Variants in TIA1 observed in about 807,000 individuals in gnomAD.
TIA1 encodes the protein cytotoxic granule associated RNA binding protein TIA1.
In TIA1, 23 loss-of-function variants were observed where a neutral mutation model predicts 65.9. That is an observed-to-expected ratio of 0.35 (90% CI 0.25 to 0.49). TIA1 has a LOEUF of 0.49. Ranked by LOEUF, TIA1 falls within the 20% of genes least tolerant of loss-of-function variation. The pLI, the probability that TIA1 is intolerant of heterozygous loss-of-function variation, is 0.98. For missense variants in TIA1, 371 were observed against 477.9 expected, an observed-to-expected ratio of 0.78 and a Z score of 2.09; for synonymous variants, 147 against 149.4, an observed-to-expected ratio of 0.98 and a Z score of 0.12.
chr2:70,231,163 A>G (rs539579800), intron 2 of TIA1, among the ~76,000 whole-genome samples: 1 of 152,046 alleles, frequency 6.6e-6, no homozygotes, highest in African/African-American at 2.4e-5. Context: ...TTAACCAGGC[A>G]TGGTGGCAGG....
chr2:70,248,732 T>C (rs1038829846), upstream of TIA1: 6 of 428,130 alleles, frequency 1.4e-5, no homozygotes, highest in Admixed American at 3.9e-5. Context: ...CCTTAATCCA[T>C]AGGTTCACTT....
At chr2:70,230,357 G>A (rs1685677336) in intron 3 of TIA1, among the ~76,000 whole-genome samples, 1 of 151,654 alleles carries the variant, frequency 6.6e-6, no homozygotes, top group Non-Finnish European at 1.5e-5. Flanking sequence ...GCTATAAAGT[G>A]TTTAATGTTT....
At chr2:70,239,929 C>A (rs910007768) in intron 1 of TIA1, among the ~76,000 whole-genome samples, 1 of 152,168 alleles carries the variant, frequency 6.6e-6, no homozygotes, top group African/African-American at 2.4e-5. Context: ...TAGAAAAGTT[C>A]TCCTTTACAG....
chr2:70,225,869 A>C (rs1573442159), intron 6 of TIA1, among the ~76,000 whole-genome samples: 1 of 152,256 alleles, frequency 6.6e-6, no homozygotes, highest in African/African-American at 2.4e-5. Context: ...TATATAAGGG[A>C]AAATACCATA....
At chr2:70,216,182 A>G in intron 10 of TIA1, 26 bp downstream of exon 10, 4 of 1,489,600 alleles carry the variant, frequency 2.7e-6, no homozygotes, top group Non-Finnish European at 3.6e-6. Flanking sequence ...ACCAAGAAAA[A>G]TGTTTTTTTA....
At chr2:70,228,442 C>T in intron 5 of TIA1, 1 of 1,284,402 alleles carries the variant, frequency 7.8e-7, no homozygotes. Context: ...TTATGTGAAT[C>T]CATGTGCAAG....
chr2:70,239,480 T>C (rs1690721577), intron 1 of TIA1, among the ~76,000 whole-genome samples: 1 of 152,226 alleles, frequency 6.6e-6, no homozygotes, highest in African/African-American at 2.4e-5. Flanking sequence ...TTATCAGTTC[T>C]GGAATCAGGG....
Position 70,214,419 on chromosome 2 carries a change from A to C in TIA1, c.964T>G (p.Tyr322Asp). 1 of 1,614,112 alleles carries C rather than the reference A, an allele frequency of 6.2e-7. No homozygotes were observed. The highest frequency in any genetic ancestry group is 8.5e-7 in the Non-Finnish European group (1 of 1,179,998). ...WYGNAQQIGQ[Y>D]MPNGWQVPAY... Reference sequence around the variant, plus strand: ...GGAACTTGCCAACCATTAGGCATATACTGGCCAATTTGTTGTGCATTTCCA... The same window carrying C: ...GGAACTTGCCAACCATTAGGCATATCCTGGCCAATTTGTTGTGCATTTCCA... The change falls in exon 12 of 13, where the codon TAT (tyrosine) becomes GAT (aspartate). Residue 322 changes from tyrosine (Y) to aspartate (D), a missense_variant. By Grantham distance (160) the Tyr-to-Asp change is radical. Coordinates refer to ENST00000433529, the MANE Select transcript of TIA1 (RefSeq NM_022173.4).
intron 1 of TIA1, among the ~76,000 whole-genome samples, chr2:70,244,503 T>C (rs192098913): frequency 5.6e-4 from 85 of 152,266 alleles, no homozygotes; most frequent in African/African-American, 1.9e-3. Flanking sequence ...GAAACATAAG[T>C]ATTATCTAAT....
At chr2:70,232,687 G>A (rs1464803060) in intron 2 of TIA1, among the ~76,000 whole-genome samples, 2 of 151,432 alleles carry the variant, frequency 1.3e-5, no homozygotes, top group African/African-American at 2.4e-5. Flanking sequence ...TGGCCAAAAT[G>A]GTGAAACCTC....
chr2:70,229,397 A>G, intron 3 of TIA1, 79 bp from the exon 4 acceptor site: 1 of 1,222,732 alleles, frequency 8.2e-7, no homozygotes, highest in East Asian at 2.3e-5. Context: ...AACACATAGG[A>G]AGATATCTGT....
Position 70,248,580 on chromosome 2 carries a change from A to C in TIA1, c.-150T>G. 2.7e-6 allele frequency: 3 copies of C among 1,111,856 alleles called. No individual in the cohort carries two copies. The highest frequency in any genetic ancestry group is 2.6e-5 in the East Asian group (1 of 38,852). The allele number at this position is 1,111,856 out of a possible 1,614,324, so 68.9% of individuals were successfully genotyped here. On this transcript the variant is annotated 5_prime_UTR_variant, in exon 1 of 13. Transcript: ENST00000433529. ...TCCTCCTCCGGCGGCAATTACACTA[A>C]ACCGCCCGGCCCAGCGGGAACAATG...
At chr2:70,240,640 A>G (rs898503106) in intron 1 of TIA1, among the ~76,000 whole-genome samples, 1 of 152,038 alleles carries the variant, frequency 6.6e-6, no homozygotes, top group Admixed American at 6.6e-5. Context: ...AGGCCGAGGT[A>G]GGCAGTTCAC....
chr2:70,229,401 T>G, intron 3 of TIA1, 83 bp from the exon 4 acceptor site: 2 of 1,208,382 alleles, frequency 1.7e-6, no homozygotes, highest in South Asian at 2.6e-5. Context: ...CATAGGAAGA[T>G]ATCTGTTTAA....
chr2:70,212,890 G>GATT (rs113167846), intron 12 of TIA1, 45 bp from the exon 13 acceptor site: 8 of 1,330,782 alleles, frequency 6.0e-6, no homozygotes, highest in African/African-American at 2.9e-5. Flanking sequence ...GAAATCCACT[G>GATT]ATTAAAATAA....
chr2:70,231,972 G>A (rs1175314679), intron 2 of TIA1, among the ~76,000 whole-genome samples: 1 of 151,900 alleles, frequency 6.6e-6, no homozygotes, highest in African/African-American at 2.4e-5. Flanking sequence ...AGAGGCCGAG[G>A]CAGGCGGATC....
At chr2:70,247,795 G>C (rs1041580866) in intron 1 of TIA1, among the ~76,000 whole-genome samples, 2 of 152,054 alleles carry the variant, frequency 1.3e-5, no homozygotes, top group South Asian at 4.2e-4. Flanking sequence ...GGGGTGTCTG[G>C]TTAGGCTTTT....
intron 7 of TIA1, among the ~76,000 whole-genome samples, chr2:70,219,313 A>G (rs898235517): frequency 2.0e-5 from 3 of 152,220 alleles, no homozygotes; most frequent in Non-Finnish European, 4.4e-5. Context: ...ACAGAGGTTA[A>G]GAGGTGACCT....
intron 5 of TIA1, chr2:70,228,521 A>G (rs1684733217): frequency 8.6e-7 from 1 of 1,158,048 alleles, no homozygotes; most frequent in Non-Finnish European, 1.1e-6. Context: ...CCATTAAAAA[A>G]GCATTGGAGA....
Sources: allele counts gnomAD v4.1 joint callset (sites outside exome capture counted in the v4.1 genomes callset), GRCh38; gene constraint gnomAD v4.1.1; transcripts MANE v1.5; gene names NCBI Gene and HGNC (gene_info 2026-07-23, HGNC 2026-07-21).